TAB2: variants seen among roughly 807,000 people sequenced by gnomAD.
TAB2 encodes TGF-beta activated kinase 1 (MAP3K7) binding protein 2, also known as TGF-beta-activated kinase 1 and MAP3K7-binding protein 2.
In TAB2, 3 loss-of-function variants were observed where a neutral mutation model predicts 65.0. The observed-to-expected ratio is 0.05, with a 90% confidence interval of 0.02 to 0.12. The LOEUF (loss-of-function observed/expected upper bound fraction) is 0.12, where lower values mean the gene tolerates loss of function less well. Ranked by LOEUF, TAB2 falls within the 10% of genes least tolerant of loss-of-function variation. TAB2 has a pLI of 1.00. For synonymous variants in TAB2, 298 were observed against 285.1 expected, an observed-to-expected ratio of 1.05 and a Z score of -0.46; for missense variants, 623 against 840.3, an observed-to-expected ratio of 0.74 and a Z score of 3.20.
chr6:149,316,956 G>T (rs921021211), upstream of TAB2, among the ~76,000 whole-genome samples: 1 of 151,710 alleles, frequency 6.6e-6, no homozygotes, highest in Non-Finnish European at 1.5e-5. Context: ...CGGCTCCAAG[G>T]GGGTGTGTCC....
intron 1 of TAB2, among the ~76,000 whole-genome samples, chr6:149,332,368 A>G (rs1191479184): frequency 6.6e-6 from 1 of 152,120 alleles, no homozygotes; most frequent in Non-Finnish European, 1.5e-5. Context: ...AGTTACTGTA[A>G]TTTCAGATTT....
At chr6:149,370,336 A>G (rs892147821) in intron 2 of TAB2, among the ~76,000 whole-genome samples, 1 of 152,208 alleles carries the variant, frequency 6.6e-6, no homozygotes, top group African/African-American at 2.4e-5. Context: ...TGAGATCTGA[A>G]TGTAAAGCAT....
intron 1 of TAB2, among the ~76,000 whole-genome samples, chr6:149,348,496 C>T (rs983853916): frequency 9.9e-5 from 15 of 151,850 alleles, no homozygotes; most frequent in Admixed American, 2.6e-4. Context: ...AACGTTCTGC[C>T]GTCCTATTTG....
intron 1 of TAB2, among the ~76,000 whole-genome samples, chr6:149,283,828 T>A (rs940368845): frequency 6.6e-6 from 1 of 152,188 alleles, no homozygotes; most frequent in Non-Finnish European, 1.5e-5. Context: ...TGGTTTATAA[T>A]TACATGTGTG....
intron 2 of TAB2, among the ~76,000 whole-genome samples, chr6:149,377,247 A>C (rs1781434012): frequency 6.7e-6 from 1 of 150,362 alleles, no homozygotes; most frequent in Non-Finnish European, 1.5e-5. Flanking sequence ...ATTTTTTTTT[A>C]TTTTTAGTAG....
At chr6:149,356,694 C>T (rs1025771672) in intron 1 of TAB2, among the ~76,000 whole-genome samples, 5 of 152,130 alleles carry the variant, frequency 3.3e-5, no homozygotes, top group Admixed American at 6.5e-5. Context: ...ATGTCACATA[C>T]GAATTTTGAG....
At chr6:149,289,175 A>C (rs1209417188) in intron 1 of TAB2, among the ~76,000 whole-genome samples, 1 of 151,996 alleles carries the variant, frequency 6.6e-6, no homozygotes, top group Non-Finnish European at 1.5e-5. Flanking sequence ...ATTCTTTTTA[A>C]AAGATAGATC....
At chr6:149,317,222 AC>A (rs1427960158), upstream of TAB2, among the ~76,000 whole-genome samples, 1 of 150,802 alleles carries the variant, frequency 6.6e-6, no homozygotes, top group African/African-American at 2.4e-5. The surrounding 1 kb of genome is among the most constrained non-coding windows in gnomAD (Gnocchi z 4.7). Context: ...CCCGCAACCT[AC>A]CCCCAAGGAT....
chr6:149,382,444 A>G (rs1330384545), intron 3 of TAB2, among the ~76,000 whole-genome samples: 3 of 151,936 alleles, frequency 2.0e-5, no homozygotes, highest in African/African-American at 4.8e-5. Context: ...AAAAAGACAA[A>G]AATTAGCGGG....
chr6:149,255,895 G>A (rs888488087), intron 1 of TAB2, among the ~76,000 whole-genome samples: 1 of 152,200 alleles, frequency 6.6e-6, no homozygotes. Context: ...ATATACAACT[G>A]AGTCCTCCTC....
intron 1 of TAB2, among the ~76,000 whole-genome samples, chr6:149,261,288 G>A (rs1197551509): frequency 2.0e-5 from 3 of 152,142 alleles, no homozygotes; most frequent in African/African-American, 7.2e-5. Context: ...GCATGTAAAA[G>A]CAGTTTCAGA....
intron 1 of TAB2, among the ~76,000 whole-genome samples, chr6:149,291,961 A>G (rs958718192): frequency 3.9e-5 from 6 of 152,242 alleles, no homozygotes; most frequent in Non-Finnish European, 8.8e-5. Context: ...TATAAATAGT[A>G]GAAGACATGG....
chr6:149,316,970 ACCGCAGCGACCCGGCGCCAGCCTCCG>A (rs1350037034), upstream of TAB2, among the ~76,000 whole-genome samples: 1 of 151,224 alleles, frequency 6.6e-6, no homozygotes, highest in Admixed American at 6.6e-5. Flanking sequence ...TGTGTCCCGG[ACCGCAGCGACCCGGCGCCAGCCTCCG>A]CCGCGGGCCC....
chr6:149,310,735 T>G (rs1779152923), intron 1 of TAB2, among the ~76,000 whole-genome samples: 1 of 152,188 alleles, frequency 6.6e-6, no homozygotes, highest in Non-Finnish European at 1.5e-5. Context: ...ATTCAATACA[T>G]GAAAAAATCT....
intron 1 of TAB2, 44 bp downstream of exon 1, chr6:149,318,059 G>C (rs1779310785): frequency 6.4e-6 from 1 of 157,396 alleles, no homozygotes; most frequent in Non-Finnish European, 1.4e-5. Flanking sequence ...TCCCCAACCT[G>C]GCTCTCCCCT....
intron 1 of TAB2, among the ~76,000 whole-genome samples, chr6:149,339,593 A>ATTTTTTTTTT (rs1562422713): frequency 6.5e-5 from 1 of 15,442 alleles, no homozygotes; most frequent in African/African-American, 8.5e-5. Flanking sequence ...TTTTTTATTT[A>ATTTTTTTTTT]TTTATTTATT....
intron 1 of TAB2, among the ~76,000 whole-genome samples, chr6:149,220,116 A>T (rs986238342): frequency 6.6e-6 from 1 of 152,246 alleles, no homozygotes. Context: ...TGGTTGACTT[A>T]ATAGAAGACA....
chr6:149,297,691 A>AT (rs1227214605), intron 1 of TAB2, among the ~76,000 whole-genome samples: 2 of 151,680 alleles, frequency 1.3e-5, no homozygotes, highest in Non-Finnish European at 2.9e-5. Context: ...CACTTGGATA[A>AT]TTTTTTTTGT....
At chr6:149,322,147 A>G (rs2114730168) in intron 1 of TAB2, among the ~76,000 whole-genome samples, 1 of 152,244 alleles carries the variant, frequency 6.6e-6, no homozygotes, top group Non-Finnish European at 1.5e-5. Flanking sequence ...GGACTCTTCC[A>G]GATGCTGGAG....
Sources: gnomAD v4.1 joint callset for allele counts (sites outside exome capture counted in the v4.1 genomes callset) on GRCh38, gnomAD v4.1.1 for gene constraint, Gnocchi (gnomAD v3.1) non-coding constraint, MANE v1.5 for transcripts, NCBI Gene and HGNC (gene_info 2026-07-23, HGNC 2026-07-21) for gene names.